The following ANXA3 variants were observed in gnomAD, a reference collection of about 807,000 sequenced individuals.
The protein encoded by ANXA3 is annexin A3.
In ANXA3, 46 loss-of-function variants were observed where a neutral mutation model predicts 48.8. The ratio of observed to expected loss-of-function variants is 0.94; its 90% confidence interval spans 0.74 to 1.21. The LOEUF is 1.21. Ranked by LOEUF, ANXA3 falls within the 50% of genes most tolerant of loss-of-function variation. ANXA3 has a pLI of 0.00. For missense variants in ANXA3, 383 were observed against 378.6 expected, an observed-to-expected ratio of 1.01 and a Z score of -0.10; for synonymous variants, 128 against 134.7, an observed-to-expected ratio of 0.95 and a Z score of 0.35.
Position 78,595,833 on chromosome 4 carries a change from G to A in ANXA3, c.580G>A (p.Glu194Lys), listed in dbSNP as rs202053206. 184 of 1,612,850 alleles carry A rather than the reference G, an allele frequency of 1.1e-4. No individual in the cohort carries two copies. In the South Asian group the frequency reaches 1.7e-3, roughly 15 times the overall value. ...TGGTGAGAACAGATGGGGCACGGAT[G>A]AAGACAAATTCACTGAGATCCTGTG... ...KAGENRWGTD[E>K]DKFTEILCLR... Residue 194 changes from glutamate to lysine, a missense_variant, in exon 9 of 13, where the codon GAA (glutamate) becomes AAA (lysine). Coordinates refer to ENST00000264908, the MANE Select transcript of ANXA3 (RefSeq NM_005139.3).
At chr4:78,588,438 A>T (rs1351373151) in intron 6 of ANXA3, among the ~76,000 whole-genome samples, 4 of 152,204 alleles carry the variant, frequency 2.6e-5, no homozygotes, top group Non-Finnish European at 5.9e-5. Context: ...GGACTGAAAA[A>T]GCAAAAAGGG....
intron 7 of ANXA3, among the ~76,000 whole-genome samples, chr4:78,592,405 G>A (rs1723318132): frequency 6.6e-6 from 1 of 152,196 alleles, no homozygotes; most frequent in Non-Finnish European, 1.5e-5. Context: ...TATGCCATTA[G>A]GAAGCGATTT....
intron 5 of ANXA3, among the ~76,000 whole-genome samples, chr4:78,583,625 A>AG (rs1272587861): frequency 5.1e-4 from 78 of 152,012 alleles, no homozygotes; most frequent in African/African-American, 1.8e-3. Context: ...AAAAAAAAAA[A>AG]AAAGAAGAAG....
intron 2 of ANXA3, among the ~76,000 whole-genome samples, chr4:78,556,481 T>C (rs1378335529): frequency 6.6e-6 from 1 of 152,036 alleles, no homozygotes; most frequent in East Asian, 1.9e-4. Flanking sequence ...TTTCAATATA[T>C]CACCTTCTGT....
rs537847135 is a variant in ANXA3, at chr4:78,604,480, A to G, written c.912+81A>G. On this transcript the variant is annotated intron_variant, in intron 12 of 12. Transcript: ENST00000264908. Reference sequence around the variant, plus strand: ...TTACTCTTATATGCCTTAAAATATAAAGATATTTGACTTAGATTTCTCTCT... The same window carrying G: ...TTACTCTTATATGCCTTAAAATATAGAGATATTTGACTTAGATTTCTCTCT... The G allele has an allele frequency of 2.5e-6, 3 of 1,202,142 alleles. No individual in the cohort carries two copies. In the Admixed American group the frequency reaches 6.7e-5, roughly 27 times the overall value. The allele number at this position is 1,202,142 out of a possible 1,614,324, so 74.5% of individuals were successfully genotyped here.
intron 10 of ANXA3, among the ~76,000 whole-genome samples, chr4:78,601,069 A>T (rs1723524105): frequency 6.6e-6 from 1 of 152,004 alleles, no homozygotes; most frequent in Admixed American, 6.6e-5. Flanking sequence ...TTTAAATGGA[A>T]CTCCAGTGCC....
At chr4:78,592,102 T>C (rs1187547612) in intron 7 of ANXA3, among the ~76,000 whole-genome samples, 4 of 152,026 alleles carry the variant, frequency 2.6e-5, no homozygotes, top group East Asian at 3.8e-4. Context: ...AAAAAGAAAA[T>C]GATTGCTGCA....
intron 2 of ANXA3, among the ~76,000 whole-genome samples, chr4:78,564,728 T>C (rs1025831334): frequency 2.0e-5 from 3 of 152,268 alleles, no homozygotes; most frequent in African/African-American, 7.2e-5. Flanking sequence ...AGATGGTCTT[T>C]AAGGAGAGGA....
At chr4:78,573,751 G>A (rs141926080) in intron 3 of ANXA3, among the ~76,000 whole-genome samples, 1 of 152,206 alleles carries the variant, frequency 6.6e-6, no homozygotes, top group Non-Finnish European at 1.5e-5. Context: ...CTGGGAAAAA[G>A]GTGATTTCTT....
At chr4:78,560,676 C>A (rs934467850) in intron 2 of ANXA3, among the ~76,000 whole-genome samples, 2 of 152,214 alleles carry the variant, frequency 1.3e-5, no homozygotes, top group African/African-American at 4.8e-5. Context: ...AGAGGTCTGG[C>A]TGACCAGAGT....
intron 6 of ANXA3, among the ~76,000 whole-genome samples, chr4:78,588,935 A>G (rs1723231929): frequency 1.3e-5 from 2 of 152,218 alleles, no homozygotes; most frequent in South Asian, 4.1e-4. Flanking sequence ...CATATTTTAC[A>G]AAACCCATCA....
Position 78,554,492 on chromosome 4 carries a change from A to G in ANXA3, c.15+4A>G. 7 of 1,613,118 alleles carry G rather than the reference A, an allele frequency of 4.3e-6. No homozygotes were observed. The highest frequency in any genetic ancestry group is 5.9e-6 in the Non-Finnish European group (7 of 1,179,436). On this transcript the variant is annotated splice_donor_region_variant and intron_variant, in intron 2 of 12. Transcript: ENST00000264908. Reference sequence around the variant, plus strand: ...GGATATCATGGCATCTATCTGGGTAAGTAAAAATTAAGCCTTCACAACACA... The same window carrying G: ...GGATATCATGGCATCTATCTGGGTAGGTAAAAATTAAGCCTTCACAACACA...
At chr4:78,558,677 A>C (rs947620325) in intron 2 of ANXA3, among the ~76,000 whole-genome samples, 1 of 152,228 alleles carries the variant, frequency 6.6e-6, no homozygotes, top group Non-Finnish European at 1.5e-5. Flanking sequence ...ATGAATCAAC[A>C]ATCTATGTTG....
rs7661123 is a variant in ANXA3 at position 78,579,192 on chromosome 4, G to A, written c.198+71G>A. The stretch of plus-strand genomic sequence containing the variant: ...ACCATGGTCGCTCCCACATGGTTAT[G>A]CCCACAGTCTTCTGTTTCAGGCTGA... On this transcript the variant is annotated intron_variant, in intron 4 of 12. Transcript: ENST00000264908. The A allele has an allele frequency of 5.0e-3, 5,043 of 1,008,220 alleles. 169 individuals carry two copies. The African/African-American group carries it at 0.07, about 14-fold the overall frequency. 62.5% of individuals were successfully genotyped at this position (1,008,220 alleles called of 1,614,324 possible). A position where few individuals can be genotyped will look rare whatever the true frequency, so the allele number is the denominator to read the frequency against.
Position 78,587,647 on chromosome 4 carries a change from G to A in ANXA3, c.403+1297G>A, listed in dbSNP as rs911482764. The stretch of plus-strand genomic sequence containing the variant: ...AGAAGGAGTACATATTGGTCCTCAT[G>A]TAGGTGTTAAAGAGGATGCTTTGGG... On this transcript the variant is annotated intron_variant, in intron 6 of 12. Coordinates refer to ENST00000264908, the MANE Select transcript of ANXA3 (RefSeq NM_005139.3). Among the ~76,000 whole-genome samples the A allele has an allele frequency of 4.0e-4, 61 of 152,362 alleles. 1 individual carries two copies. The highest frequency in any genetic ancestry group is 2.6e-4 in the Non-Finnish European group (18 of 68,030).
chr4:78,607,752 C>T (rs914338896), intron 12 of ANXA3, among the ~76,000 whole-genome samples: 6 of 152,176 alleles, frequency 3.9e-5, no homozygotes, highest in Middle Eastern at 3.4e-3. Flanking sequence ...CTAGTACTAT[C>T]GGAATTGAGA....
intron 7 of ANXA3, among the ~76,000 whole-genome samples, chr4:78,593,113 C>CCACACACACACACACA (rs59972919): frequency 6.9e-5 from 10 of 143,934 alleles, no homozygotes; most frequent in Non-Finnish European, 1.5e-4. Flanking sequence ...AACACACATA[C>CCACACACACACACACA]CACACACACA....
chr4:78,603,585 G>C (rs892319569), intron 11 of ANXA3: 1 of 152,020 alleles, frequency 6.6e-6, no homozygotes, highest in African/African-American at 2.4e-5. Context: ...CTCCTACCTT[G>C]CAATCTGTTT....
At chr4:78,552,709 G>A (rs1332126215) in intron 1 of ANXA3, among the ~76,000 whole-genome samples, 1 of 152,214 alleles carries the variant, frequency 6.6e-6, no homozygotes, top group African/African-American at 2.4e-5. Flanking sequence ...GCAAGACCCT[G>A]CCCTCCGGGA....
Sources: gnomAD v4.1 joint callset for allele counts (sites outside exome capture counted in the v4.1 genomes callset) on GRCh38, gnomAD v4.1.1 for gene constraint, MANE v1.5 for transcripts, NCBI Gene and HGNC (gene_info 2026-07-23, HGNC 2026-07-21) for gene names.